The following RANBP2 variants were observed in gnomAD, a reference collection of about 807,000 sequenced individuals.
The protein encoded by RANBP2 is E3 SUMO-protein ligase RanBP2.
RANBP2 carries 57 observed loss-of-function variants against 303.6 expected under a neutral mutation model. The ratio of observed to expected loss-of-function variants is 0.19; its 90% CI spans 0.15 to 0.23. The LOEUF is 0.23. Ranked by LOEUF, RANBP2 falls within the 10% of genes least tolerant of loss-of-function variation. RANBP2 has a pLI of 1.00. For missense variants in RANBP2, 3,138 were observed against 3,780.8 expected (o/e 0.83, Z 4.46); for synonymous variants, 1,167 against 1,301.5 (o/e 0.90, Z 2.23).
chr2:109,348,444 C>A, the RANBP2 span, among the ~76,000 whole-genome samples: 1,186 of 152,296 alleles, frequency 7.8e-3, 10 homozygotes, highest in African/African-American at 0.027. Context: ...GGCAGGGCCA[C>A]CCTGGTGCGT....
At chr2:108,881,605 T>G in the RANBP2 span, among the ~76,000 whole-genome samples, 1 of 152,216 alleles carries the variant, frequency 6.6e-6, no homozygotes, top group Non-Finnish European at 1.5e-5. Flanking sequence ...TTTCTAGCTT[T>G]TCATTTAAAG....
the RANBP2 span, among the ~76,000 whole-genome samples, chr2:109,135,342 G>A: frequency 6.6e-6 from 1 of 152,182 alleles, no homozygotes; most frequent in Non-Finnish European, 1.5e-5. Context: ...GGGGTGGTGG[G>A]AATCCCACTG....
At chr2:108,900,643 TTCCCA>T in the RANBP2 span, among the ~76,000 whole-genome samples, 1 of 151,584 alleles carries the variant, frequency 6.6e-6, no homozygotes, top group African/African-American at 2.4e-5. Context: ...CTTAAAAATT[TTCCCA>T]GTTATATGCT....
chr2:109,130,731 C>G, the RANBP2 span, among the ~76,000 whole-genome samples: 1 of 152,200 alleles, frequency 6.6e-6, no homozygotes, highest in Non-Finnish European at 1.5e-5. Flanking sequence ...CCTGGGCTCC[C>G]AGGCAGGGTT....
the RANBP2 span, among the ~76,000 whole-genome samples, chr2:109,516,852 A>T: frequency 1.3e-5 from 2 of 152,180 alleles, no homozygotes; most frequent in African/African-American, 2.4e-5. Flanking sequence ...CGATATTTTT[A>T]GTGCAAAGAA....
chr2:108,797,027 C>T, the RANBP2 span, among the ~76,000 whole-genome samples: 6 of 152,252 alleles, frequency 3.9e-5, no homozygotes, highest in East Asian at 3.9e-4. Flanking sequence ...TCCCCATCAC[C>T]TTGGTGAGGA....
the RANBP2 span, among the ~76,000 whole-genome samples, chr2:109,288,346 G>A: frequency 2.6e-5 from 4 of 152,334 alleles, no homozygotes; most frequent in East Asian, 7.7e-4. Context: ...AGTTCTTAAT[G>A]TATTAGGGAA....
the RANBP2 span, among the ~76,000 whole-genome samples, chr2:109,633,430 A>C: frequency 6.6e-6 from 1 of 151,990 alleles, no homozygotes; most frequent in African/African-American, 2.4e-5. Flanking sequence ...AAAACAAAAA[A>C]ACAGACAGAA....
At chr2:109,354,234 C>T in the RANBP2 span, among the ~76,000 whole-genome samples, 86 of 152,312 alleles carry the variant, frequency 5.6e-4, no homozygotes, top group African/African-American at 2.0e-3. Context: ...GTGCCGCCAA[C>T]GGATACTGCC....
chr2:109,072,961 C>T, the RANBP2 span, among the ~76,000 whole-genome samples: 15 of 152,162 alleles, frequency 9.9e-5, no homozygotes, highest in South Asian at 8.3e-4. Flanking sequence ...GGAGGCTCAT[C>T]TGTGAAGACT....
the RANBP2 span, among the ~76,000 whole-genome samples, chr2:109,522,113 T>C: frequency 6.6e-6 from 1 of 152,096 alleles, no homozygotes; most frequent in African/African-American, 2.4e-5. Flanking sequence ...AATGAACATA[T>C]GCAAATTGAG....
the RANBP2 span, among the ~76,000 whole-genome samples, chr2:109,471,966 A>G: frequency 6.6e-6 from 1 of 152,154 alleles, no homozygotes; most frequent in South Asian, 2.1e-4. Flanking sequence ...ATTTTCCTCC[A>G]TGGTTATATT....
At chr2:108,923,855 G>A in the RANBP2 span, among the ~76,000 whole-genome samples, 1 of 152,240 alleles carries the variant, frequency 6.6e-6, no homozygotes, top group African/African-American at 2.4e-5. Flanking sequence ...CCCTCTGTGA[G>A]CACCCTCCCC....
chr2:109,473,749 A>G, the RANBP2 span, among the ~76,000 whole-genome samples: 1 of 41,560 alleles, frequency 2.4e-5, no homozygotes, highest in Non-Finnish European at 4.6e-5. Context: ...TGCCTGCCTC[A>G]GGCTACCTCC....
the RANBP2 span, among the ~76,000 whole-genome samples, chr2:109,041,646 C>A: frequency 8.4e-3 from 1,250 of 149,492 alleles, 20 homozygotes; most frequent in African/African-American, 0.029. Context: ...CTCAGCCTCC[C>A]GAGGAGCTCG....
the RANBP2 span, among the ~76,000 whole-genome samples, chr2:109,241,482 T>C: frequency 1.3e-5 from 2 of 152,160 alleles, no homozygotes; most frequent in East Asian, 3.9e-4. Context: ...CTTTTGAAAT[T>C]TCCTACATAA....
the RANBP2 span, chr2:108,930,033 AC>A: frequency 1.3e-6 from 2 of 1,487,786 alleles, no homozygotes; most frequent in Non-Finnish European, 1.8e-6. Context: ...ATCCCCTCAC[AC>A]AGCAAGGCAG....
the RANBP2 span, among the ~76,000 whole-genome samples, chr2:108,795,055 TTA>T: frequency 2.4e-4 from 20 of 82,160 alleles, no homozygotes; most frequent in Admixed American, 3.1e-3. Context: ...TTTTAAGTAC[TTA>T]TATATAAAAA....
chr2:108,740,311 C>G (rs1695974967), intron 6 of RANBP2, among the ~76,000 whole-genome samples, 178 bp from the exon 7 acceptor site: 1 of 151,680 alleles, frequency 6.6e-6, no homozygotes, highest in East Asian at 1.9e-4. Context: ...AGGAAGTATG[C>G]AGGATAAAAA....
Sources: gnomAD v4.1 joint callset for allele counts (sites outside exome capture counted in the v4.1 genomes callset) on GRCh38, gnomAD v4.1.1 for gene constraint, MANE v1.5 for transcripts, NCBI Gene and HGNC (gene_info 2026-07-23, HGNC 2026-07-21) for gene names.